CSMD1: variants seen among roughly 807,000 people sequenced by gnomAD.
The protein encoded by CSMD1 is CUB and sushi domain-containing protein 1.
In CSMD1, 213 loss-of-function variants were observed where a neutral mutation model predicts 417.5. That is an observed-to-expected ratio of 0.51 (90% CI 0.46 to 0.57). The LOEUF is 0.57. Ranked by LOEUF, CSMD1 falls within the 20% of genes least tolerant of loss-of-function variation. CSMD1 has a pLI of 0.00. For missense variants in CSMD1, 6,923 were observed against 4,529.7 expected (o/e 1.53, Z -15.17); for synonymous variants, 2,862 against 1,736.8 (o/e 1.65, Z -16.11).
intron 3 of CSMD1, among the ~76,000 whole-genome samples, chr8:4,098,393 A>G (rs1801135143): frequency 7.0e-6 from 1 of 143,352 alleles, no homozygotes. Context: ...AATTTTCCAA[A>G]ATGGATTTGT....
At chr8:3,827,838 C>A (rs1366819335) in intron 5 of CSMD1, among the ~76,000 whole-genome samples, 4 of 152,150 alleles carry the variant, frequency 2.6e-5, no homozygotes, top group Non-Finnish European at 4.4e-5. Flanking sequence ...CCACTAATAA[C>A]TCACAGTGCA....
intron 1 of CSMD1, among the ~76,000 whole-genome samples, chr8:4,777,570 C>T (rs1428189761): frequency 3.9e-5 from 6 of 152,178 alleles, no homozygotes; most frequent in Non-Finnish European, 8.8e-5. Context: ...TGTTCCTTAT[C>T]AGCTAATCCT....
chr8:2,955,926 A>C (rs1299393318), intron 63 of CSMD1, among the ~76,000 whole-genome samples, 158 bp from the exon 64 acceptor site: 1 of 151,958 alleles, frequency 6.6e-6, no homozygotes, highest in Non-Finnish European at 1.5e-5. Flanking sequence ...TTTTTGGTAG[A>C]GATGAAGTCT....
intron 3 of CSMD1, among the ~76,000 whole-genome samples, chr8:4,400,320 T>A (rs371952644): frequency 1.3e-5 from 2 of 152,226 alleles, no homozygotes; most frequent in African/African-American, 2.4e-5. Context: ...CCTGGTCCCA[T>A]AGGAAACTGT....
At chr8:4,379,938 C>A (rs916816855) in intron 3 of CSMD1, among the ~76,000 whole-genome samples, 1 of 152,316 alleles carries the variant, frequency 6.6e-6, no homozygotes, top group South Asian at 2.1e-4. Context: ...CCAGCATACA[C>A]TCTGGAGATG....
chr8:3,813,214 A>G (rs946089814), intron 5 of CSMD1, among the ~76,000 whole-genome samples: 1 of 151,972 alleles, frequency 6.6e-6, no homozygotes, highest in African/African-American at 2.4e-5. Context: ...ATCCTTGCTA[A>G]TAAAAAAGAG....
At chr8:4,930,540 T>C (rs926682459) in intron 1 of CSMD1, among the ~76,000 whole-genome samples, 5 of 152,176 alleles carry the variant, frequency 3.3e-5, no homozygotes, top group Non-Finnish European at 7.4e-5. Flanking sequence ...GCCAATTCCT[T>C]GCAGCAGCAT....
intron 6 of CSMD1, among the ~76,000 whole-genome samples, chr8:3,716,417 G>T (rs991811561): frequency 3.3e-5 from 5 of 152,316 alleles, no homozygotes; most frequent in African/African-American, 1.2e-4. Context: ...TTGATGATAT[G>T]CTAAACAAGG....
At chr8:4,901,998 G>C (rs945977370) in intron 1 of CSMD1, among the ~76,000 whole-genome samples, 5 of 152,302 alleles carry the variant, frequency 3.3e-5, no homozygotes, top group African/African-American at 4.8e-5. Flanking sequence ...CATCATTTAA[G>C]AGGCTGTAAG....
At chr8:3,394,481 A>G (rs944400986) in intron 17 of CSMD1, among the ~76,000 whole-genome samples, 4 of 152,110 alleles carry the variant, frequency 2.6e-5, no homozygotes, top group Admixed American at 6.6e-5. Context: ...AAATGGAAGT[A>G]GAAAAAGCAA....
At chr8:3,687,632 G>A (rs903651908) in intron 7 of CSMD1, among the ~76,000 whole-genome samples, 6 of 152,150 alleles carry the variant, frequency 3.9e-5, no homozygotes, top group Non-Finnish European at 8.8e-5. Flanking sequence ...CGAGCACTGT[G>A]CCCTTGTTCA....
intron 11 of CSMD1, among the ~76,000 whole-genome samples, chr8:3,475,138 G>A (rs1037627526): frequency 6.6e-6 from 1 of 152,038 alleles, no homozygotes; most frequent in Non-Finnish European, 1.5e-5. Context: ...AAGAGTCTTT[G>A]AAGACTCTGA....
chr8:4,711,223 G>T (rs1455106146), intron 1 of CSMD1, among the ~76,000 whole-genome samples: 3 of 151,146 alleles, frequency 2.0e-5, no homozygotes, highest in African/African-American at 2.4e-5. Context: ...AGTAAAAAAT[G>T]TTAATCATGC....
At chr8:3,339,083 G>A (rs996540903) in intron 23 of CSMD1, among the ~76,000 whole-genome samples, 3 of 149,576 alleles carry the variant, frequency 2.0e-5, no homozygotes, top group African/African-American at 4.9e-5. Context: ...AGAATATGCG[G>A]TGTTTGGTTG....
intron 5 of CSMD1, among the ~76,000 whole-genome samples, chr8:3,939,922 C>T (rs148157164): frequency 3.3e-5 from 5 of 152,112 alleles, no homozygotes; most frequent in East Asian, 1.9e-4. Context: ...GTAAACTTCT[C>T]GGATGACAGG....
intron 3 of CSMD1, among the ~76,000 whole-genome samples, chr8:4,037,495 A>G (rs1233937330): frequency 2.0e-5 from 3 of 152,114 alleles, no homozygotes; most frequent in African/African-American, 4.8e-5. Context: ...TTTTTTCTTT[A>G]CCTTAACATC....
intron 5 of CSMD1, among the ~76,000 whole-genome samples, chr8:3,985,595 C>T (rs140769891): frequency 3.5e-4 from 53 of 152,192 alleles, no homozygotes; most frequent in East Asian, 3.3e-3. Context: ...TTTGAAGGGG[C>T]GCCACCTTCT....
intron 3 of CSMD1, among the ~76,000 whole-genome samples, chr8:4,053,072 G>A (rs73658561): frequency 0.038 from 5,789 of 152,194 alleles, 347 homozygotes; most frequent in African/African-American, 0.12. Flanking sequence ...GCTGTGTGCT[G>A]AAAGGATGAT....
intron 10 of CSMD1, among the ~76,000 whole-genome samples, chr8:3,560,350 A>T (rs1799416901): frequency 6.6e-6 from 1 of 152,174 alleles, no homozygotes; most frequent in East Asian, 1.9e-4. Flanking sequence ...CATTATCATC[A>T]CCACAGTTAT....
Sources: allele counts gnomAD v4.1 joint callset (sites outside exome capture counted in the v4.1 genomes callset), GRCh38; gene constraint gnomAD v4.1.1; transcripts MANE v1.5; gene names NCBI Gene and HGNC (gene_info 2026-07-23, HGNC 2026-07-21).